The following KIF26B variants were observed in gnomAD, a reference collection of about 807,000 sequenced individuals.
KIF26B encodes kinesin family member 26B, also known as kinesin-like protein KIF26B.
In KIF26B, 63 loss-of-function variants were observed where a neutral mutation model predicts 151.2. The observed-to-expected ratio is 0.42, with a 90% CI of 0.34 to 0.51. The LOEUF (loss-of-function observed/expected upper bound fraction) is 0.51. Ranked by LOEUF, KIF26B falls within the 20% of genes least tolerant of loss-of-function variation. The pLI is 0.07. For synonymous variants in KIF26B, 1,357 were observed against 1,262.1 expected (o/e 1.08, Z -1.59); for missense variants, 2,813 against 2,913.6 (o/e 0.97, Z 0.79).
At chr1:245,355,749 T>C (rs1672682252) in intron 2 of KIF26B, among the ~76,000 whole-genome samples, 2 of 152,234 alleles carry the variant, frequency 1.3e-5, no homozygotes, top group African/African-American at 4.8e-5. Context: ...TATCATTGTC[T>C]TGAATTATTT....
At chr1:245,323,530 T>C (rs1196405886) in intron 2 of KIF26B, among the ~76,000 whole-genome samples, 5 of 152,206 alleles carry the variant, frequency 3.3e-5, no homozygotes, top group African/African-American at 1.2e-4. Context: ...TCTCTCTTGA[T>C]GGCAAGACCG....
rs186769266 is a variant in KIF26B at position 245,175,974 on chromosome 1, A to G, written c.465+19291A>G. Among the ~76,000 whole-genome samples, 224 of 145,570 alleles carry G rather than the reference A, an allele frequency of 1.5e-3. 1 individual carries two copies. Among genetic ancestry groups the G allele is most frequent in the African/African-American group, 5.3e-3 (204 of 38,692 alleles). On this transcript the variant is annotated intron_variant, in intron 2 of 14. Coordinates refer to ENST00000407071, the MANE Select transcript of KIF26B (RefSeq NM_018012.4). ...GATATCTATATCTATATATATAGACATCTATATATATAGATATAGATATAT... is the reference window on the plus strand; with the variant it reads ...GATATCTATATCTATATATATAGACGTCTATATATATAGATATAGATATAT...
chr1:245,503,915 A>T (rs1182787405), intron 4 of KIF26B, among the ~76,000 whole-genome samples: 1 of 152,130 alleles, frequency 6.6e-6, no homozygotes, highest in Non-Finnish European at 1.5e-5. Context: ...TTGGTCAGAG[A>T]TATGATCCAA....
chr1:245,228,519 T>A (rs773417735), intron 2 of KIF26B, among the ~76,000 whole-genome samples: 4 of 151,050 alleles, frequency 2.6e-5, no homozygotes, highest in Non-Finnish European at 5.9e-5. Flanking sequence ...TGAGCCGAGA[T>A]TGCACCACCA....
intron 4 of KIF26B, among the ~76,000 whole-genome samples, chr1:245,490,123 C>T (rs1311957237): frequency 6.6e-6 from 1 of 152,162 alleles, no homozygotes; most frequent in Admixed American, 6.5e-5. Flanking sequence ...CTTGCCTGGC[C>T]TCTCCATTGA....
intron 2 of KIF26B, among the ~76,000 whole-genome samples, chr1:245,282,432 C>T (rs933453797): frequency 3.9e-5 from 6 of 152,174 alleles, no homozygotes. Flanking sequence ...CAAATGGAAG[C>T]CGTTAGAAAC....
At chr1:245,441,988 C>T (rs1345179524) in intron 4 of KIF26B, among the ~76,000 whole-genome samples, 1 of 152,256 alleles carries the variant, frequency 6.6e-6, no homozygotes, top group African/African-American at 2.4e-5. Flanking sequence ...TTTTGGGTAA[C>T]TTCTGATCTA....
chr1:245,408,801 C>T (rs1674202506), intron 3 of KIF26B, among the ~76,000 whole-genome samples: 1 of 152,158 alleles, frequency 6.6e-6, no homozygotes, highest in Non-Finnish European at 1.5e-5. Context: ...ACCAAGCCCA[C>T]AGGCCTTATC....
At chr1:245,235,454 A>G (rs946836042) in intron 2 of KIF26B, among the ~76,000 whole-genome samples, 6 of 151,876 alleles carry the variant, frequency 4.0e-5, no homozygotes, top group Non-Finnish European at 7.4e-5. Context: ...TTAGCCAGGC[A>G]TGGTGGCATT....
chr1:245,213,721 G>A (rs916835078), intron 2 of KIF26B, among the ~76,000 whole-genome samples: 7 of 152,184 alleles, frequency 4.6e-5, no homozygotes, highest in African/African-American at 1.4e-4. Context: ...ACACGTGACC[G>A]TGTGCCGCAC....
At chr1:245,172,222 G>A (rs576035395) in intron 2 of KIF26B, among the ~76,000 whole-genome samples, 3 of 152,132 alleles carry the variant, frequency 2.0e-5, no homozygotes, top group South Asian at 4.1e-4. Context: ...CTGGTGGGGG[G>A]GGTGGGTACA....
intron 2 of KIF26B, among the ~76,000 whole-genome samples, chr1:245,322,518 T>C (rs1251194938): frequency 6.6e-6 from 1 of 152,200 alleles, no homozygotes; most frequent in African/African-American, 2.4e-5. Flanking sequence ...TTTTTGTGAT[T>C]GAAGAAACGA....
chr1:245,538,576 G>A (rs1451853670), intron 4 of KIF26B, among the ~76,000 whole-genome samples: 1 of 152,036 alleles, frequency 6.6e-6, no homozygotes, highest in Non-Finnish European at 1.5e-5. Flanking sequence ...AAAGCCATGA[G>A]GCTACTGCCC....
At chr1:245,317,649 G>A (rs140412390) in intron 2 of KIF26B, among the ~76,000 whole-genome samples, 32 of 152,280 alleles carry the variant, frequency 2.1e-4, no homozygotes, top group African/African-American at 7.2e-4. Context: ...TGTAAGTGTC[G>A]GAGAGGGAAG....
At chr1:245,485,953 A>AT (rs952184328) in intron 4 of KIF26B, among the ~76,000 whole-genome samples, 2 of 152,070 alleles carry the variant, frequency 1.3e-5, no homozygotes, top group African/African-American at 4.8e-5. Flanking sequence ...AAATATGAGT[A>AT]TTTTTCGTGG....
intron 2 of KIF26B, among the ~76,000 whole-genome samples, chr1:245,306,241 A>G (rs975481296): frequency 1.3e-5 from 2 of 152,210 alleles, no homozygotes; most frequent in Non-Finnish European, 2.9e-5. Flanking sequence ...AGTGTGGTTC[A>G]TTCATTGAAA....
At chr1:245,631,751 T>G (rs1293469634) in intron 9 of KIF26B, among the ~76,000 whole-genome samples, 1 of 152,190 alleles carries the variant, frequency 6.6e-6, no homozygotes, top group Admixed American at 6.5e-5. Flanking sequence ...ACTGATTAAT[T>G]CTTGTTACTC....
intron 11 of KIF26B, among the ~76,000 whole-genome samples, chr1:245,685,083 C>G (rs1189463552): frequency 2.0e-5 from 3 of 152,234 alleles, no homozygotes; most frequent in Non-Finnish European, 4.4e-5. Flanking sequence ...CGTTTCTTAA[C>G]CAGAGTTCCA....
At chr1:245,426,759 T>C (rs1658658877) in intron 4 of KIF26B, among the ~76,000 whole-genome samples, 1 of 152,226 alleles carries the variant, frequency 6.6e-6, no homozygotes, top group Admixed American at 6.5e-5. Context: ...GTGGCTTCTC[T>C]TGTTAGTTCC....
Sources: gnomAD v4.1 joint callset for allele counts (sites outside exome capture counted in the v4.1 genomes callset) on GRCh38, gnomAD v4.1.1 for gene constraint, MANE v1.5 for transcripts, NCBI Gene and HGNC (gene_info 2026-07-23, HGNC 2026-07-21) for gene names.